The following FANCA variants were observed in gnomAD, a reference collection of about 807,000 sequenced individuals.
FANCA encodes the protein Fanconi anemia group A protein.
FANCA carries 236 observed loss-of-function variants against 194.3 expected under a neutral mutation model. The observed-to-expected ratio is 1.21, with a 90% confidence interval of 1.09 to 1.35. The LOEUF (loss-of-function observed/expected upper bound fraction) is 1.35. Among genes scored for constraint, FANCA ranks in the 40% most tolerant of loss-of-function variants. The probability of loss-of-function intolerance (pLI) is 0.00; values close to 1 mark genes in which losing one functional copy is unlikely to be tolerated. For synonymous variants in FANCA, 1,014 were observed against 715.8 expected, an observed-to-expected ratio of 1.42 and a Z score of -6.65; for missense variants, 2,628 against 1,813.9, an observed-to-expected ratio of 1.45 and a Z score of -8.15.
intron 29 of FANCA, among the ~76,000 whole-genome samples, chr16:89,759,121 C>T (rs556240518): frequency 6.6e-6 from 1 of 151,456 alleles, no homozygotes; most frequent in African/African-American, 2.4e-5. Context: ...GAGATCGAGA[C>T]CATCCTGGGT....
chr16:89,810,729 C>G lies in FANCA; in HGVS notation c.500G>C (p.Cys167Ser). Residue 167 changes from cysteine to serine, a missense_variant, in exon 5 of 43, where the codon TGT becomes TCT. Physicochemically the swap from Cys to Ser is moderately radical, Grantham distance 112. Transcript: ENST00000389301. The part of the protein sequence containing the change: ...AHSMFSRLSF[C>S]QELWKIQSSL... ...TACCTGTATTTTCCATAATTCTTGACAGAAGGAAAGACGGGAGAACATACT... is the reference window on the plus strand; with the variant it reads ...TACCTGTATTTTCCATAATTCTTGAGAGAAGGAAAGACGGGAGAACATACT... The G allele has an allele frequency of 6.2e-7, 1 of 1,611,250 alleles. No homozygotes were observed. The highest frequency in any genetic ancestry group is 2.2e-5 in the East Asian group (1 of 44,876).
intron 31 of FANCA, among the ~76,000 whole-genome samples, chr16:89,750,662 A>T (rs965757518): frequency 2.0e-5 from 3 of 151,992 alleles, no homozygotes; most frequent in African/African-American, 7.3e-5. Flanking sequence ...AATCCCAGCT[A>T]ATCAGGAGGC....
At chr16:89,807,184 C>CTTT (rs1011419652) in intron 6 of FANCA, among the ~76,000 whole-genome samples, 7 of 134,378 alleles carry the variant, frequency 5.2e-5, no homozygotes, top group Non-Finnish European at 8.1e-5. Context: ...GCAGGTTTTT[C>CTTT]TTTTTTTTTT....
At chr16:89,812,923 T>C (rs150537908) in intron 3 of FANCA, among the ~76,000 whole-genome samples, 10,527 of 148,406 alleles carry the variant, frequency 0.071, 994 homozygotes, top group African/African-American at 0.22. Flanking sequence ...ATCCCAGCTA[T>C]TCGGGAGGCT....
intron 33 of FANCA, among the ~76,000 whole-genome samples, chr16:89,747,177 G>A (rs951629430): frequency 1.3e-5 from 2 of 152,168 alleles, no homozygotes; most frequent in African/African-American, 4.8e-5. Flanking sequence ...CGCAGGGAAG[G>A]GGACGCACCC....
At chr16:89,813,119 T>C (rs1175720333) in intron 3 of FANCA, among the ~76,000 whole-genome samples, 3 of 151,226 alleles carry the variant, frequency 2.0e-5, no homozygotes, top group African/African-American at 7.3e-5. Flanking sequence ...AAATTCTCGG[T>C]AGAAAAGTAG....
intron 26 of FANCA, among the ~76,000 whole-genome samples, chr16:89,768,800 G>A (rs943880396): frequency 6.6e-6 from 1 of 152,142 alleles, no homozygotes; most frequent in Non-Finnish European, 1.5e-5. Context: ...ATATCCTGAG[G>A]CATCTCTGTG....
Position 89,749,823 on chromosome 16 carries a change from A to G in FANCA, c.3146T>C (p.Phe1049Ser). 1.9e-6 allele frequency: 3 copies of G among 1,614,190 alleles called. No individual in the cohort carries two copies. The highest frequency in any genetic ancestry group is 2.2e-5 in the East Asian group (1 of 44,886). ...GHTPSQEHFLFEIFRRRLQAL... is the reference protein window; with the variant it reads ...GHTPSQEHFLSEIFRRRLQAL... Reference sequence around the variant, plus strand: ...CTGGAGCCGTCTGCGGAAAATCTCAAAGAGGAAGTGCTCCTGGGAAGGGGT... The same window carrying G: ...CTGGAGCCGTCTGCGGAAAATCTCAGAGAGGAAGTGCTCCTGGGAAGGGGT... Residue 1049 changes from phenylalanine to serine, a missense_variant, in exon 32 of 43, where the codon TTT (phenylalanine) becomes TCT (serine). Phe to Ser is a radical substitution (Grantham distance 155). Coordinates refer to ENST00000389301, the MANE Select transcript of FANCA (RefSeq NM_000135.4).
intron 37 of FANCA, among the ~76,000 whole-genome samples, chr16:89,741,497 G>C (rs148750010): frequency 1.4e-4 from 21 of 152,324 alleles, no homozygotes; most frequent in Non-Finnish European, 2.6e-4. Flanking sequence ...ACAGAGGGCT[G>C]CTGCCTCCAG....
chr16:89,771,610 C>G, intron 23 of FANCA, 68 bp downstream of exon 23: 1 of 1,556,236 alleles, frequency 6.4e-7, no homozygotes, highest in Non-Finnish European at 8.9e-7. Context: ...AGGCTCCATG[C>G]GTCTAATGCC....
At chr16:89,751,775 T>A (rs1191785078) in intron 31 of FANCA, among the ~76,000 whole-genome samples, 2 of 151,736 alleles carry the variant, frequency 1.3e-5, no homozygotes, top group Non-Finnish European at 2.9e-5. Context: ...AATATCTTTT[T>A]TTTTTTTTTG....
At chr16:89,809,636 G>C (rs1348995409) in intron 5 of FANCA, among the ~76,000 whole-genome samples, 1 of 151,496 alleles carries the variant, frequency 6.6e-6, no homozygotes, top group Non-Finnish European at 1.5e-5. Context: ...GATCATCTGA[G>C]GTCAGGAGTT....
intron 6 of FANCA, among the ~76,000 whole-genome samples, chr16:89,806,562 T>A (rs12449000): frequency 4.6e-5 from 7 of 151,050 alleles, no homozygotes; most frequent in Admixed American, 4.0e-4. Context: ...TTAACGAGCA[T>A]GCTGCCTTCA....
At chr16:89,780,182 A>C (rs1382455819) in intron 17 of FANCA, among the ~76,000 whole-genome samples, 1 of 152,106 alleles carries the variant, frequency 6.6e-6, no homozygotes, top group Non-Finnish European at 1.5e-5. Flanking sequence ...CACACACACA[A>C]GGTTCAGACC....
Position 89,738,382 on chromosome 16 carries a change from C to G in FANCA, c.*219G>C. On this transcript the variant is annotated 3_prime_UTR_variant, in exon 43 of 43. Coordinates refer to ENST00000389301, the MANE Select transcript of FANCA (RefSeq NM_000135.4). ...TGGTGCTGGAGGCGGGCTTGGTGTC[C>G]GGCTCAAGTAGCCTTCCTCTGCTCT... 1 of 1,415,384 alleles carries G rather than the reference C, an allele frequency of 7.1e-7. No individual in the cohort carries two copies. The allele number at this position is 1,415,384 out of a possible 1,614,324, so 87.7% of individuals were successfully genotyped here.
chr16:89,783,790 T>A (rs2039804683), intron 15 of FANCA, among the ~76,000 whole-genome samples: 2 of 151,386 alleles, frequency 1.3e-5, no homozygotes. Flanking sequence ...TGAGAGGGAG[T>A]TTTGCTCTTA....
In FANCA at chr16:89,746,595, T is replaced by A. The variant is rs2143105828; in HGVS notation, c.3502A>T (p.Thr1168Ser). 1 of 1,613,698 alleles carries A rather than the reference T, an allele frequency of 6.2e-7. No individual in the cohort carries two copies. Among genetic ancestry groups the A allele is most frequent in the African/African-American group, 1.3e-5 (1 of 74,924 alleles). The change falls in exon 35 of 43, where the codon ACC becomes TCC. Residue 1168 changes from threonine to serine, a missense_variant. Thr to Ser is a moderately conservative substitution (Grantham distance 58). Coordinates refer to ENST00000389301, the MANE Select transcript of FANCA (RefSeq NM_000135.4). ...GACAGCTGACCCACCAGAGCAGAGG[T>A]CAAAATTAAGGGGCATTTCGTCTGG... ...KCQTKCPLIL[T>S]SALVWWPSLE...
At chr16:89,742,653 C>CAAAAAAGAAAAAAAAA (rs2062163863) in intron 37 of FANCA, 147 bp downstream of exon 37, 1 of 274,614 alleles carries the variant, frequency 3.6e-6, no homozygotes, top group African/African-American at 4.5e-5. Flanking sequence ...ACTAAAAATA[C>CAAAAAAGAAAAAAAAA]AAAAAAAAAA....
chr16:89,765,335 C>A (rs957399243), intron 27 of FANCA, among the ~76,000 whole-genome samples: 1 of 149,810 alleles, frequency 6.7e-6, no homozygotes. Flanking sequence ...ACCCCACGTT[C>A]AGGGGACCTC....
Sources: gnomAD v4.1 joint callset for allele counts (sites outside exome capture counted in the v4.1 genomes callset) on GRCh38, gnomAD v4.1.1 for gene constraint, MANE v1.5 for transcripts, NCBI Gene and HGNC (gene_info 2026-07-23, HGNC 2026-07-21) for gene names.